The following RSRC1 variants were observed in gnomAD, a reference collection of about 807,000 sequenced individuals.
The protein encoded by RSRC1 is arginine and serine rich coiled-coil 1.
RSRC1 carries 39 observed loss-of-function variants against 49.1 expected under a neutral mutation model. The observed-to-expected ratio is 0.79, with a 90% CI of 0.61 to 1.04. The LOEUF is 1.04. RSRC1 is among the 50% of genes least tolerant of loss of function. RSRC1 has a pLI of 0.00. For synonymous variants in RSRC1, 143 were observed against 130.8 expected (o/e 1.09, Z -0.63); for missense variants, 388 against 402.4 (o/e 0.96, Z 0.31).
intron 3 of RSRC1, among the ~76,000 whole-genome samples, chr3:158,177,638 T>C (rs1417111917): frequency 6.6e-6 from 1 of 150,848 alleles, no homozygotes; most frequent in Admixed American, 6.6e-5. Context: ...CACCAGGGCC[T>C]GTCAGAGTGT....
rs565722433 is a variant in RSRC1 at position 158,466,109 on chromosome 3, G to T, written c.652+5106G>T. Among the ~76,000 whole-genome samples, 22 of 152,130 alleles carry T rather than the reference G, an allele frequency of 1.4e-4. No homozygotes were observed. The East Asian group carries it at 4.3e-3, about 29-fold the overall frequency. ...AGTTTTTTCTATTCCATATTACATA[G>T]CATCAACCTGTTTCTCAGTTTCAGC... On this transcript the variant is annotated intron_variant, in intron 7 of 9. Coordinates refer to ENST00000611884, the MANE Select transcript of RSRC1 (RefSeq NM_001271838.2).
intron 4 of RSRC1, among the ~76,000 whole-genome samples, chr3:158,267,992 T>A (rs1725297832): frequency 6.6e-6 from 1 of 152,048 alleles, no homozygotes; most frequent in Non-Finnish European, 1.5e-5. Flanking sequence ...TCTTCCTTCC[T>A]ATAGGTACTG....
chr3:158,278,647 G>A (rs188132433), intron 4 of RSRC1, among the ~76,000 whole-genome samples: 10 of 152,318 alleles, frequency 6.6e-5, no homozygotes, highest in African/African-American at 2.4e-4. Context: ...GTCTTCAACA[G>A]TTTGAACAAC....
intron 5 of RSRC1, among the ~76,000 whole-genome samples, chr3:158,339,460 G>A (rs1730109699): frequency 6.6e-6 from 1 of 152,084 alleles, no homozygotes; most frequent in African/African-American, 2.4e-5. Flanking sequence ...AATTGCCATT[G>A]TATTACCAAA....
chr3:158,345,071 A>T (rs111350131), intron 5 of RSRC1, among the ~76,000 whole-genome samples: 14,139 of 151,892 alleles, frequency 0.093, 2,240 homozygotes, highest in African/African-American at 0.33. Context: ...AATAAAAAAA[A>T]AAAAAATGTA....
chr3:158,297,064 C>A (rs1431909798), intron 4 of RSRC1, among the ~76,000 whole-genome samples: 1 of 152,002 alleles, frequency 6.6e-6, no homozygotes, highest in African/African-American at 2.4e-5. Context: ...GAAGATTAAA[C>A]ATCATGAATA....
intron 4 of RSRC1, chr3:158,225,873 C>A: frequency 3.7e-6 from 1 of 269,536 alleles, no homozygotes; most frequent in South Asian, 3.7e-5. Flanking sequence ...GAGAATGGTA[C>A]AAAAGAAAAC....
intron 4 of RSRC1, chr3:158,275,849 C>T: frequency 1.8e-6 from 1 of 558,650 alleles, no homozygotes; most frequent in South Asian, 1.8e-5. Context: ...GCGCCTTCTC[C>T]AAGCTGCCTG....
chr3:158,148,714 G>A (rs1278492402), intron 3 of RSRC1, among the ~76,000 whole-genome samples: 4 of 152,086 alleles, frequency 2.6e-5, no homozygotes, highest in Non-Finnish European at 5.9e-5. Flanking sequence ...AATAAAAAAA[G>A]ACGGTATTTC....
intron 4 of RSRC1, among the ~76,000 whole-genome samples, chr3:158,275,465 A>G (rs1348453749): frequency 6.6e-6 from 1 of 152,224 alleles, no homozygotes; most frequent in Non-Finnish European, 1.5e-5. Flanking sequence ...CCATCATCCC[A>G]GTAAAGCTGC....
chr3:158,280,643 T>C (rs1339007598), intron 4 of RSRC1, among the ~76,000 whole-genome samples: 1 of 84,562 alleles, frequency 1.2e-5, no homozygotes, highest in Non-Finnish European at 2.5e-5. Flanking sequence ...ATTCCTTTTT[T>C]TTTTTTTTTT....
rs189200228 is a variant in RSRC1, at chr3:158,238,338, A to C, written c.494+35093A>C. Among the ~76,000 whole-genome samples the C allele has an allele frequency of 6.6e-4, 100 of 152,284 alleles. 2 individuals carry two copies. Among genetic ancestry groups the C allele is most frequent in the East Asian group, 4.8e-3 (25 of 5,184 alleles). ...TGCCATCCCCATCAAGCTACCAATG[A>C]CTTTCTTCACAGAATTGGAAAAAAC... On this transcript the variant is annotated intron_variant, in intron 4 of 9. Coordinates refer to ENST00000611884, the MANE Select transcript of RSRC1 (RefSeq NM_001271838.2).
intron 6 of RSRC1, among the ~76,000 whole-genome samples, chr3:158,387,694 C>A (rs957387497): frequency 2.6e-5 from 4 of 152,204 alleles, no homozygotes; most frequent in African/African-American, 9.6e-5. Flanking sequence ...CAGATCCAGA[C>A]AAAATATCAT....
chr3:158,127,310 A>G (rs562379478), intron 3 of RSRC1, among the ~76,000 whole-genome samples: 44 of 151,916 alleles, frequency 2.9e-4, no homozygotes, highest in Non-Finnish European at 5.3e-4. Flanking sequence ...TAATACGTAT[A>G]TTGGTCTGTT....
rs146515672 is a variant in RSRC1 at position 158,545,436 on chromosome 3, T to C, written c.*1161T>C. 1 of 152,026 alleles carries C rather than the reference T, an allele frequency of 6.6e-6. No individual in the cohort carries two copies. Among genetic ancestry groups the C allele is most frequent in the South Asian group, 2.1e-4 (1 of 4,810 alleles). The allele number at this position is 152,026 out of a possible 1,614,324, so 9.4% of individuals were successfully genotyped here. ...CAGGATGGTCTATTTTCTTCTGTTGTCCAGTCACTAATTTAGTCTCTGCGA... is the reference window on the plus strand; with the variant it reads ...CAGGATGGTCTATTTTCTTCTGTTGCCCAGTCACTAATTTAGTCTCTGCGA... On this transcript the variant is annotated 3_prime_UTR_variant, in exon 10 of 10. Coordinates refer to ENST00000611884, the MANE Select transcript of RSRC1 (RefSeq NM_001271838.2).
chr3:158,181,860 T>C (rs932664621), intron 3 of RSRC1, among the ~76,000 whole-genome samples: 1 of 152,202 alleles, frequency 6.6e-6, no homozygotes, highest in Non-Finnish European at 1.5e-5. Flanking sequence ...TGTTTATTCA[T>C]TCTTAACAAA....
At chr3:158,231,557 C>T (rs932866450) in intron 4 of RSRC1, among the ~76,000 whole-genome samples, 2 of 152,050 alleles carry the variant, frequency 1.3e-5, no homozygotes, top group African/African-American at 4.8e-5. Context: ...GTGTGTAACT[C>T]GCTTGTGGCC....
At chr3:158,348,924 G>T (rs1255233461) in intron 5 of RSRC1, among the ~76,000 whole-genome samples, 1 of 152,052 alleles carries the variant, frequency 6.6e-6, no homozygotes, top group African/African-American at 2.4e-5. Flanking sequence ...GACATGATTT[G>T]GTTCTTTTTT....
chr3:158,445,599 T>C (rs1014156190), intron 6 of RSRC1, among the ~76,000 whole-genome samples: 1 of 151,904 alleles, frequency 6.6e-6, no homozygotes, highest in Non-Finnish European at 1.5e-5. Flanking sequence ...CACATGTATA[T>C]ATATGTAACA....
Sources: gnomAD v4.1 joint callset for allele counts (sites outside exome capture counted in the v4.1 genomes callset) on GRCh38, gnomAD v4.1.1 for gene constraint, MANE v1.5 for transcripts, NCBI Gene and HGNC (gene_info 2026-07-23, HGNC 2026-07-21) for gene names.